Variants in BMP6 observed in about 807,000 individuals in gnomAD.
BMP6 encodes the protein VG-1-R.
In BMP6, 17 loss-of-function variants were observed where a neutral mutation model predicts 54.1. The observed-to-expected ratio is 0.31, with a 90% CI of 0.22 to 0.47. The LOEUF is 0.47. Ranked by LOEUF, BMP6 falls within the 20% of genes least tolerant of loss-of-function variation. The pLI is 1.00. For synonymous variants in BMP6, 328 were observed against 291.2 expected, an observed-to-expected ratio of 1.13 and a Z score of -1.28; for missense variants, 720 against 690.4, an observed-to-expected ratio of 1.04 and a Z score of -0.48.
intron 4 of BMP6, among the ~76,000 whole-genome samples, chr6:7,878,473 GTTA>G (rs1759656777): frequency 6.6e-6 from 1 of 152,148 alleles, no homozygotes; most frequent in African/African-American, 2.4e-5. Flanking sequence ...CTGGCTTAGT[GTTA>G]TTGCATCAGC....
chr6:7,850,870 A>G (rs1759131547), intron 2 of BMP6, among the ~76,000 whole-genome samples: 1 of 152,190 alleles, frequency 6.6e-6, no homozygotes, highest in Non-Finnish European at 1.5e-5. Flanking sequence ...ACCCTGTACC[A>G]TTTATTGAAA....
intron 1 of BMP6, among the ~76,000 whole-genome samples, chr6:7,830,150 C>G (rs1046861709): frequency 5.9e-5 from 9 of 152,084 alleles, no homozygotes; most frequent in African/African-American, 2.2e-4. Context: ...AGAGCACCCC[C>G]CCTCTCTCTC....
chr6:7,735,412 C>T (rs747319077), intron 1 of BMP6, among the ~76,000 whole-genome samples: 12 of 152,184 alleles, frequency 7.9e-5, no homozygotes, highest in Non-Finnish European at 1.8e-4. Flanking sequence ...ATTTTCCCTC[C>T]CTCCTTTTGA....
Position 7,880,242 on chromosome 6 carries a change from A to G in BMP6, c.1441A>G (p.Thr481Ala), listed in dbSNP as rs767060287. Residue 481 changes from threonine to alanine, a missense_variant, in exon 7 of 7, where the codon ACT becomes GCT. Thr to Ala is a moderately conservative substitution (Grantham distance 58). Transcript: ENST00000283147. Reference protein sequence around the residue: ...EYVPKPCCAPTKLNAISVLYF... With the variant: ...EYVPKPCCAPAKLNAISVLYF... ...TGTCCCCAAACCGTGCTGTGCGCCAACTAAGCTAAATGCCATCTCGGTTCT... is the reference window on the plus strand; with the variant it reads ...TGTCCCCAAACCGTGCTGTGCGCCAGCTAAGCTAAATGCCATCTCGGTTCT... 1 of 1,614,062 alleles carries G rather than the reference A, an allele frequency of 6.2e-7. No individual in the cohort carries two copies. The highest frequency in any genetic ancestry group is 1.3e-5 in the African/African-American group (1 of 74,924).
At chr6:7,838,669 G>A (rs904180157) in intron 1 of BMP6, among the ~76,000 whole-genome samples, 23 of 152,160 alleles carry the variant, frequency 1.5e-4, no homozygotes, top group Non-Finnish European at 2.2e-4. Flanking sequence ...CTGGCTGGGC[G>A]CGGTGGCTCA....
At chr6:7,785,341 C>A (rs1158181226) in intron 1 of BMP6, among the ~76,000 whole-genome samples, 1 of 152,178 alleles carries the variant, frequency 6.6e-6, no homozygotes, top group Non-Finnish European at 1.5e-5. Context: ...CTCTCAATTT[C>A]TTTTCATGTG....
At chr6:7,879,517 A>G (rs1759675493) in intron 5 of BMP6, among the ~76,000 whole-genome samples, 2 of 152,254 alleles carry the variant, frequency 1.3e-5, no homozygotes, top group African/African-American at 4.8e-5. Context: ...CCTAATGGTT[A>G]ACATCTCCAA....
chr6:7,743,601 G>T (rs1201501625), intron 1 of BMP6, among the ~76,000 whole-genome samples: 1 of 152,080 alleles, frequency 6.6e-6, no homozygotes, highest in Non-Finnish European at 1.5e-5. Context: ...CTCATTGAAC[G>T]TGATGTTTTC....
intron 1 of BMP6, among the ~76,000 whole-genome samples, chr6:7,756,952 A>G (rs536195124): frequency 2.6e-5 from 4 of 152,274 alleles, no homozygotes; most frequent in African/African-American, 9.6e-5. Flanking sequence ...CTTTGTACAC[A>G]AGCAGTTCAG....
chr6:7,852,961 T>C (rs1265525334), intron 2 of BMP6, among the ~76,000 whole-genome samples: 1 of 152,202 alleles, frequency 6.6e-6, no homozygotes, highest in African/African-American at 2.4e-5. Flanking sequence ...ACTTTAGCTC[T>C]TCTCACGCAC....
intron 1 of BMP6, among the ~76,000 whole-genome samples, chr6:7,788,244 AT>A: frequency 6.6e-6 from 1 of 152,202 alleles, no homozygotes; most frequent in Non-Finnish European, 1.5e-5. Flanking sequence ...CTTGGTAGTA[AT>A]TATTTGAGGG....
At chr6:7,876,057 G>A (rs1363969340) in intron 4 of BMP6, among the ~76,000 whole-genome samples, 5 of 152,164 alleles carry the variant, frequency 3.3e-5, no homozygotes, top group Non-Finnish European at 7.3e-5. Context: ...GCTATCTGTC[G>A]TGGGAAATGG....
At chr6:7,862,913 T>C (rs1343387801) in intron 4 of BMP6, among the ~76,000 whole-genome samples, 2 of 152,212 alleles carry the variant, frequency 1.3e-5, no homozygotes, top group Non-Finnish European at 2.9e-5. Context: ...TCAGTGCTCT[T>C]GGCTGGAAGG....
intron 1 of BMP6, among the ~76,000 whole-genome samples, chr6:7,793,706 T>TA (rs1758146902): frequency 6.6e-6 from 1 of 152,194 alleles, no homozygotes; most frequent in African/African-American, 2.4e-5. Context: ...TAAAGCCTAT[T>TA]AAAAAACAAA....
intron 1 of BMP6, among the ~76,000 whole-genome samples, chr6:7,761,362 T>C (rs1483238925): frequency 2.0e-5 from 3 of 152,230 alleles, no homozygotes; most frequent in Non-Finnish European, 2.9e-5. Context: ...TCCAGCAGAA[T>C]ATAATTGGGC....
intron 1 of BMP6, among the ~76,000 whole-genome samples, 165 bp from the exon 2 acceptor site, chr6:7,844,972 TCTC>T (rs1264737159): frequency 9.9e-5 from 15 of 152,170 alleles, no homozygotes; most frequent in Non-Finnish European, 1.9e-4. Flanking sequence ...AGGATTTTCA[TCTC>T]CTCCTCATGG....
At chr6:7,805,133 G>A (rs1758329619) in intron 1 of BMP6, among the ~76,000 whole-genome samples, 1 of 152,134 alleles carries the variant, frequency 6.6e-6, no homozygotes, top group African/African-American at 2.4e-5. Context: ...TTTGTCCCTA[G>A]TCTACAGATT....
chr6:7,828,863 C>T (rs773306433), intron 1 of BMP6, among the ~76,000 whole-genome samples: 5 of 152,156 alleles, frequency 3.3e-5, no homozygotes, highest in East Asian at 1.9e-4. Context: ...GTTCTGACCA[C>T]GGCTGCCCAG....
At chr6:7,784,478 T>C (rs761269180) in intron 1 of BMP6, among the ~76,000 whole-genome samples, 6 of 152,182 alleles carry the variant, frequency 3.9e-5, no homozygotes, top group Non-Finnish European at 7.3e-5. Flanking sequence ...GATCACGTGA[T>C]AGTAAAGTGT....
Sources: gnomAD v4.1 joint callset for allele counts (sites outside exome capture counted in the v4.1 genomes callset) on GRCh38, gnomAD v4.1.1 for gene constraint, MANE v1.5 for transcripts, NCBI Gene and HGNC (gene_info 2026-07-23, HGNC 2026-07-21) for gene names.